The following GNA12 variants were observed in gnomAD, a reference collection of about 807,000 sequenced individuals.
The protein encoded by GNA12 is G protein subunit alpha 12.
In GNA12, 9 loss-of-function variants were observed where a neutral mutation model predicts 26.0. The ratio of observed to expected loss-of-function variants is 0.35; its 90% CI spans 0.21 to 0.60. The LOEUF (loss-of-function observed/expected upper bound fraction) is 0.60. GNA12 is among the 20% of genes least tolerant of loss of function. The pLI, the probability that GNA12 is intolerant of heterozygous loss-of-function variation, is 0.78. For missense variants in GNA12, 405 were observed against 525.8 expected, an observed-to-expected ratio of 0.77 and a Z score of 2.25; for synonymous variants, 264 against 219.6, an observed-to-expected ratio of 1.20 and a Z score of -1.79.
At chr7:2,765,784 A>G (rs1791782093) in intron 2 of GNA12, among the ~76,000 whole-genome samples, 1 of 151,766 alleles carries the variant, frequency 6.6e-6, no homozygotes, top group Non-Finnish European at 1.5e-5. Context: ...GCGTGTGCCA[A>G]TACACCCAGC....
chr7:2,736,262 C>A (rs1055628377), intron 2 of GNA12, among the ~76,000 whole-genome samples: 6 of 152,224 alleles, frequency 3.9e-5, no homozygotes. Context: ...CTCTCAACGG[C>A]TGCTGCGGTC....
At position 2,835,573 on chromosome 7, in the gene GNA12, C is replaced by T. The variant is rs142765726; in HGVS notation, c.309+8280G>A. On this transcript the variant is annotated intron_variant, in intron 1 of 3. Transcript: ENST00000275364. Reference sequence around the variant, plus strand: ...TCTGGGCCGACAGGGAGCAAGAGCGCGCTTGGGGGCAAAGTCCCATTGTCT... The same window carrying T: ...TCTGGGCCGACAGGGAGCAAGAGCGTGCTTGGGGGCAAAGTCCCATTGTCT... 119 of 536,484 alleles carry T rather than the reference C, an allele frequency of 2.2e-4. 1 individual carries two copies. The East Asian group carries it at 3.1e-3, about 14-fold the overall frequency. The allele number at this position is 536,484 out of a possible 1,614,324, so 33.2% of individuals were successfully genotyped here. A position where few individuals can be genotyped will look rare whatever the true frequency, so the allele number is the denominator to read the frequency against.
chr7:2,829,668 C>T (rs1160674412), intron 1 of GNA12, among the ~76,000 whole-genome samples: 1 of 152,182 alleles, frequency 6.6e-6, no homozygotes. Context: ...CATAGTTTCT[C>T]TTCTTACCCT....
chr7:2,778,646 A>G (rs1429993900), intron 2 of GNA12, among the ~76,000 whole-genome samples: 1 of 152,228 alleles, frequency 6.6e-6, no homozygotes, highest in Non-Finnish European at 1.5e-5. Context: ...CACAAAAGAA[A>G]TTCAAAATCA....
At chr7:2,827,480 C>T (rs987265495) in intron 1 of GNA12, among the ~76,000 whole-genome samples, 3 of 152,132 alleles carry the variant, frequency 2.0e-5, no homozygotes, top group Non-Finnish European at 2.9e-5. Context: ...TGTGATGTCG[C>T]GTGAGAATTC....
At chr7:2,741,293 T>TGC (rs1790489417) in intron 2 of GNA12, among the ~76,000 whole-genome samples, 1 of 151,976 alleles carries the variant, frequency 6.6e-6, no homozygotes, top group Non-Finnish European at 1.5e-5. Context: ...AGGTTGAGGA[T>TGC]GCAGTGAGCC....
intron 1 of GNA12, among the ~76,000 whole-genome samples, chr7:2,797,214 T>G (rs2533884): frequency 0.24 from 35,891 of 152,048 alleles, 4,991 homozygotes; most frequent in Non-Finnish European, 0.29. Flanking sequence ...GGCATGAACA[T>G]GGCTCACTGC....
At chr7:2,781,667 T>C (rs1374139665) in intron 2 of GNA12, among the ~76,000 whole-genome samples, 1 of 152,176 alleles carries the variant, frequency 6.6e-6, no homozygotes, top group African/African-American at 2.4e-5. Context: ...ATATTCTTTT[T>C]TCTCAAGCCT....
chr7:2,763,230 A>ACC, intron 2 of GNA12: 3 of 370,382 alleles, frequency 8.1e-6, no homozygotes, highest in Non-Finnish European at 3.9e-6. Flanking sequence ...ACACACACAC[A>ACC]CGGTCTCAAC....
intron 2 of GNA12, among the ~76,000 whole-genome samples, chr7:2,763,919 G>A (rs552869570): frequency 6.6e-6 from 1 of 152,186 alleles, no homozygotes; most frequent in African/African-American, 2.4e-5. Context: ...TTAGAGTCTT[G>A]GTTAAAGTGA....
At chr7:2,781,180 T>C (rs1311756004) in intron 2 of GNA12, among the ~76,000 whole-genome samples, 1 of 152,234 alleles carries the variant, frequency 6.6e-6, no homozygotes, top group African/African-American at 2.4e-5. Context: ...CTGTCACAGC[T>C]GGTGCTATCT....
rs116912254 is a variant in GNA12, at chr7:2,787,767, C to G, written c.525+7161G>C. On this transcript the variant is annotated intron_variant, in intron 2 of 3. Coordinates refer to ENST00000275364, the MANE Select transcript of GNA12 (RefSeq NM_007353.3). ...TTCGCCCCTACAGCAAGGCCCAGCA[C>G]TCAGTCCCACGGCTATGCTAAACCA... is the stretch of plus-strand genomic sequence containing the variant. 4.4e-4 allele frequency among the ~76,000 whole-genome samples: 67 copies of G among 152,372 alleles called. 1 individual carries two copies. The East Asian group carries it at 0.011, about 26-fold the overall frequency.
intron 1 of GNA12, among the ~76,000 whole-genome samples, chr7:2,805,103 T>A (rs1189473651): frequency 6.6e-6 from 1 of 152,074 alleles, no homozygotes; most frequent in Non-Finnish European, 1.5e-5. Flanking sequence ...CCAGAGCCTT[T>A]CCACAAAGCC....
intron 2 of GNA12, among the ~76,000 whole-genome samples, chr7:2,772,443 C>A (rs992903924): frequency 2.0e-5 from 3 of 152,004 alleles, no homozygotes; most frequent in African/African-American, 7.3e-5. Flanking sequence ...ACCTGTAGTC[C>A]CAGCTACTTG....
intron 2 of GNA12, among the ~76,000 whole-genome samples, chr7:2,774,832 C>T (rs937403140): frequency 2.6e-5 from 4 of 152,136 alleles, no homozygotes; most frequent in African/African-American, 9.7e-5. Context: ...CATATTTACG[C>T]AGCTATCTGT....
rs1000503631 is a variant in GNA12, at chr7:2,747,718, A to C, written c.526-14217T>G. On this transcript the variant is annotated intron_variant, in intron 2 of 3. Transcript: ENST00000275364. ...ATAAAGGGTATTCAATTAGGAAAAG[A>C]GGAAGTCAAATTGTCCCTGTTTGCA... 2.0e-5 allele frequency among the ~76,000 whole-genome samples: 3 copies of C among 152,246 alleles called. No individual in the cohort carries two copies. In the East Asian group the frequency reaches 5.8e-4, roughly 29 times the overall value.
At chr7:2,766,339 A>G (rs1312485350) in intron 2 of GNA12, among the ~76,000 whole-genome samples, 2 of 150,682 alleles carry the variant, frequency 1.3e-5, no homozygotes, top group East Asian at 3.9e-4. Context: ...TATGTACTAC[A>G]TGCTGTTTAC....
In GNA12 at chr7:2,803,327, G is replaced by A. The variant is rs557097077; in HGVS notation, c.310-8184C>T. Among the ~76,000 whole-genome samples, 27 of 152,254 alleles carry A rather than the reference G, an allele frequency of 1.8e-4. No individual in the cohort carries two copies. In the South Asian group the frequency reaches 2.3e-3, roughly 13 times the overall value. On this transcript the variant is annotated intron_variant, in intron 1 of 3. Transcript: ENST00000275364. ...GAGCTAAGAAGTCTGTGTGAGAAAGGGGACGATCGAGGGCTTTGGAAAAGG... is the reference window on the plus strand; with the variant it reads ...GAGCTAAGAAGTCTGTGTGAGAAAGAGGACGATCGAGGGCTTTGGAAAAGG...
chr7:2,772,717 C>A (rs1353781568), intron 2 of GNA12, among the ~76,000 whole-genome samples: 1 of 152,160 alleles, frequency 6.6e-6, no homozygotes. Context: ...TCCCACACTG[C>A]TGGAGAGACT....
Sources: gnomAD v4.1 joint callset for allele counts (sites outside exome capture counted in the v4.1 genomes callset) on GRCh38, gnomAD v4.1.1 for gene constraint, MANE v1.5 for transcripts, NCBI Gene and HGNC (gene_info 2026-07-23, HGNC 2026-07-21) for gene names.